Variants in TRPM1 observed in about 807,000 individuals in gnomAD.
The protein encoded by TRPM1 is TRPM1-203 APA Isoform, Intron 10.
In TRPM1, 113 loss-of-function variants were observed where a neutral mutation model predicts 149.4. That is an observed-to-expected ratio of 0.76 (90% CI 0.65 to 0.88). The LOEUF is 0.88. Among genes scored for constraint, TRPM1 ranks in the 40% least tolerant of loss-of-function variants. The pLI is 0.00. For missense variants in TRPM1, 1,976 were observed against 2,038.7 expected (o/e 0.97, Z 0.59); for synonymous variants, 741 against 759.5 (o/e 0.98, Z 0.40).
In TRPM1 at chr15:31,035,487, C is replaced by A; in HGVS notation, c.2700+59G>T. 1.9e-6 allele frequency: 3 copies of A among 1,611,770 alleles called. No homozygotes were observed. The South Asian group carries it at 3.3e-5, about 18-fold the overall frequency. On this transcript the variant is annotated intron_variant, in intron 21 of 27. Transcript: ENST00000256552. ...CATGAAACGTTTTTTCAGTAAGGAG[C>A]CATATCTGCATTTGCAGTCAGCGGT...
At chr15:31,155,879 T>C (rs564069699) in intron 1 of TRPM1, among the ~76,000 whole-genome samples, 1 of 152,088 alleles carries the variant, frequency 6.6e-6, no homozygotes, top group Non-Finnish European at 1.5e-5. Context: ...AACCTGACTA[T>C]GGCATAACAT....
chr15:31,143,030 T>G lies in TRPM1; in HGVS notation c.54+17876A>C, dbSNP rs143531064. On this transcript the variant is annotated intron_variant, in intron 1 of 26. Coordinates refer to the TRPM1 transcript ENST00000542188. The stretch of plus-strand genomic sequence containing the variant: ...TTCTATAATGGACTCTCAAAGGCTT[T>G]TAACCATTGCCACCTTAAGTCTGGT... 2.4e-3 allele frequency among the ~76,000 whole-genome samples: 364 copies of G among 152,366 alleles called. 2 individuals carry two copies. Among genetic ancestry groups the G allele is most frequent in the African/African-American group, 8.1e-3 (338 of 41,592 alleles).
At chr15:31,054,629 AT>A (rs909774334) in intron 11 of TRPM1, among the ~76,000 whole-genome samples, 4 of 151,944 alleles carry the variant, frequency 2.6e-5, no homozygotes, top group Non-Finnish European at 4.4e-5. Flanking sequence ...TTTAAGAAGA[AT>A]TTTTTTTGCA....
chr15:31,109,012 A>T (rs1402226754), intron 1 of TRPM1, among the ~76,000 whole-genome samples: 1 of 152,072 alleles, frequency 6.6e-6, no homozygotes, highest in Non-Finnish European at 1.5e-5. Flanking sequence ...CTGTGTGGAG[A>T]TATGGGAATG....
At position 31,068,171 on chromosome 15, in the gene TRPM1, T is replaced by C. The variant is rs141344896; in HGVS notation, c.280-79A>G. On this transcript the variant is annotated intron_variant, in intron 4 of 27. Transcript: ENST00000256552. ...CAAAGGGGAGTGAGGCTATTGCTCA[T>C]GTCCAAGCAAGAACTGCCTGGCTTG... is the stretch of plus-strand genomic sequence containing the variant. The C allele has an allele frequency of 9.4e-3, 12,261 of 1,306,964 alleles. 73 individuals carry two copies. Among genetic ancestry groups the C allele is most frequent in the Non-Finnish European group, 0.012 (10,475 of 907,204 alleles). 81.0% of individuals were successfully genotyped at this position (1,306,964 alleles called of 1,614,324 possible).
At chr15:31,155,274 C>CG (rs1567083632) in intron 1 of TRPM1, among the ~76,000 whole-genome samples, 2 of 152,194 alleles carry the variant, frequency 1.3e-5, no homozygotes, top group African/African-American at 4.8e-5. Flanking sequence ...TCCCCTGAGC[C>CG]GGGGGCGTGC....
At chr15:31,142,305 A>C (rs1049395298) in intron 1 of TRPM1, among the ~76,000 whole-genome samples, 7 of 152,178 alleles carry the variant, frequency 4.6e-5, no homozygotes, top group African/African-American at 1.7e-4. Flanking sequence ...TCTAAAAATT[A>C]ATGTTTAATA....
chr15:31,036,786 T>C (rs1456972364), intron 20 of TRPM1, among the ~76,000 whole-genome samples: 2 of 152,174 alleles, frequency 1.3e-5, no homozygotes, highest in African/African-American at 4.8e-5. Flanking sequence ...GACTGTATCA[T>C]CAATCTTGGC....
chr15:31,082,636 A>T (rs1407668497), intron 1 of TRPM1, among the ~76,000 whole-genome samples: 1 of 152,210 alleles, frequency 6.6e-6, no homozygotes, highest in Non-Finnish European at 1.5e-5. Context: ...CTGCGGGAAG[A>T]AAGTCCAAGA....
At chr15:31,116,802 A>G (rs1237297057) in intron 1 of TRPM1, among the ~76,000 whole-genome samples, 3 of 152,184 alleles carry the variant, frequency 2.0e-5, no homozygotes, top group Admixed American at 6.6e-5. Context: ...AAGTGAAGCC[A>G]GAAACACCCA....
chr15:31,157,039 A>AG (rs200903499), intron 1 of TRPM1, among the ~76,000 whole-genome samples: 2,984 of 151,938 alleles, frequency 0.02, 86 homozygotes, highest in African/African-American at 0.069. Context: ...CAGCCTCCTA[A>AG]TACCTGGGAC....
intron 1 of TRPM1, among the ~76,000 whole-genome samples, chr15:31,096,123 A>G (rs1316847619): frequency 1.3e-5 from 2 of 150,756 alleles, no homozygotes; most frequent in Non-Finnish European, 3.0e-5. Context: ...AGAAGAAACG[A>G]AGGGAAGGGA....
chr15:31,082,556 G>A (rs1305770736), intron 1 of TRPM1, among the ~76,000 whole-genome samples: 4 of 152,182 alleles, frequency 2.6e-5, no homozygotes, highest in Non-Finnish European at 5.9e-5. Flanking sequence ...AAATATGACT[G>A]CCCTGCTGAG....
intron 7 of TRPM1, among the ~76,000 whole-genome samples, chr15:31,064,307 C>T (rs1296361547): frequency 6.6e-6 from 1 of 152,186 alleles, no homozygotes; most frequent in African/African-American, 2.4e-5. Context: ...ACTAGTGGCC[C>T]ATCAGTTAAT....
Position 31,129,719 on chromosome 15 carries a change from C to T in TRPM1, c.54+31187G>A, listed in dbSNP as rs537406781. On this transcript the variant is annotated intron_variant, in intron 1 of 26. Coordinates refer to the TRPM1 transcript ENST00000542188. Reference sequence around the variant, plus strand: ...ATATGCTAAACATAGCCCAGATGTTCGTGTCAGCTGTCTGTGGTCACTTTG... The same window carrying T: ...ATATGCTAAACATAGCCCAGATGTTTGTGTCAGCTGTCTGTGGTCACTTTG... 5.3e-5 allele frequency among the ~76,000 whole-genome samples: 8 copies of T among 152,290 alleles called. No homozygotes were observed. In the East Asian group the frequency reaches 5.8e-4, roughly 11 times the overall value.
chr15:31,078,357 C>T (rs1056719887), intron 2 of TRPM1, among the ~76,000 whole-genome samples: 1 of 152,178 alleles, frequency 6.6e-6, no homozygotes, highest in African/African-American at 2.4e-5. Context: ...TAGGAGAGCC[C>T]CAGCCCTAGT....
At chr15:31,127,700 G>A (rs2035968385) in intron 1 of TRPM1, among the ~76,000 whole-genome samples, 1 of 152,168 alleles carries the variant, frequency 6.6e-6, no homozygotes, top group Non-Finnish European at 1.5e-5. Flanking sequence ...AGAAGGCAGA[G>A]CTACCAGAGC....
rs143810657 is a variant in TRPM1 at position 31,161,106 on chromosome 15, G to A, written c.-147C>T. On this transcript the variant is annotated 5_prime_UTR_variant, in exon 1 of 27. Coordinates refer to the TRPM1 transcript ENST00000542188. ...TCGGCGGCAGCCCCACGCACTGGGCGAGGGGGCCGAGATCCTGGGGCGAGG... is the reference window on the plus strand; with the variant it reads ...TCGGCGGCAGCCCCACGCACTGGGCAAGGGGGCCGAGATCCTGGGGCGAGG... 3.0e-3 allele frequency: 2,290 copies of A among 754,002 alleles called. 39 individuals are homozygous for A. In the African/African-American group the frequency reaches 0.035, roughly 12 times the overall value. 46.7% of individuals were successfully genotyped at this position (754,002 alleles called of 1,614,324 possible).
intron 1 of TRPM1, among the ~76,000 whole-genome samples, chr15:31,143,895 G>A (rs2141054539): frequency 6.6e-6 from 1 of 152,152 alleles, no homozygotes; most frequent in Non-Finnish European, 1.5e-5. Flanking sequence ...TGGTAATATG[G>A]TTATTTGCAT....
Sources: gnomAD v4.1 joint callset for allele counts (sites outside exome capture counted in the v4.1 genomes callset) on GRCh38, gnomAD v4.1.1 for gene constraint, MANE v1.5 for transcripts, NCBI Gene and HGNC (gene_info 2026-07-23, HGNC 2026-07-21) for gene names.